Variants in PTPRN2 observed in about 807,000 individuals in gnomAD.
PTPRN2 encodes receptor-type tyrosine-protein phosphatase N2.
A neutral mutation model predicts 118.8 loss-of-function variants in PTPRN2; 74 were observed. The observed-to-expected ratio is 0.62, with a 90% CI of 0.52 to 0.76. The LOEUF (loss-of-function observed/expected upper bound fraction) is 0.76. PTPRN2 is among the 30% of genes least tolerant of loss of function. The pLI is 0.00. For missense variants in PTPRN2, 1,481 were observed against 1,394.4 expected, an observed-to-expected ratio of 1.06 and a Z score of -0.99; for synonymous variants, 641 against 608.0, an observed-to-expected ratio of 1.05 and a Z score of -0.80.
intron 2 of PTPRN2, among the ~76,000 whole-genome samples, chr7:158,334,381 C>T (rs1805150418): frequency 2.2e-5 from 1 of 46,230 alleles, no homozygotes; most frequent in African/African-American, 9.4e-5. Flanking sequence ...GCAGATGTCA[C>T]TCACACCCAC....
chr7:158,071,627 CGTG>C (rs1469815285), intron 11 of PTPRN2, among the ~76,000 whole-genome samples: 4 of 86,608 alleles, frequency 4.6e-5, no homozygotes, highest in Non-Finnish European at 6.8e-5. Context: ...TGGAGGTGCT[CGTG>C]GTGGTGGAGA....
intron 13 of PTPRN2, among the ~76,000 whole-genome samples, 169 bp from the exon 14 acceptor site, chr7:157,656,720 C>T (rs1336486225): frequency 6.6e-6 from 1 of 152,036 alleles, no homozygotes; most frequent in African/African-American, 2.4e-5. Flanking sequence ...GGTCAACGCA[C>T]CCCAAAGCAC....
intron 5 of PTPRN2, among the ~76,000 whole-genome samples, chr7:158,188,205 G>C (rs1345826126): frequency 1.2e-5 from 1 of 83,922 alleles, no homozygotes; most frequent in African/African-American, 3.7e-5. Context: ...AGGCCGCCAC[G>C]CTCGCCGCCT....
At chr7:158,173,948 T>G (rs1823948222) in intron 5 of PTPRN2, among the ~76,000 whole-genome samples, 1 of 152,212 alleles carries the variant, frequency 6.6e-6, no homozygotes, top group South Asian at 2.1e-4. Flanking sequence ...GATTTCATAT[T>G]GTTCAAACAC....
At chr7:157,712,751 CAAAAAA>C (rs755055515) in intron 12 of PTPRN2, among the ~76,000 whole-genome samples, 11 of 89,896 alleles carry the variant, frequency 1.2e-4, no homozygotes, top group East Asian at 4.0e-4. Context: ...AACTCCATCT[CAAAAAA>C]AAAAAAAAAA....
intron 3 of PTPRN2, among the ~76,000 whole-genome samples, chr7:158,288,505 C>G (rs1184281527): frequency 6.6e-6 from 1 of 152,156 alleles, no homozygotes; most frequent in African/African-American, 2.4e-5. Context: ...AAATATCTTA[C>G]AGTTATAGCA....
At position 158,204,978 on chromosome 7, in the gene PTPRN2, G is replaced by A. The variant is rs575788485; in HGVS notation, c.380+193C>T. On this transcript the variant is annotated intron_variant, in intron 4 of 22. Coordinates refer to ENST00000389418, the MANE Select transcript of PTPRN2 (RefSeq NM_002847.5). ...CCCCTGGGCATGTCTCTTACTGGAGGGTCACCCCAATATCGCTTTCTCTCA... is the reference window on the plus strand; with the variant it reads ...CCCCTGGGCATGTCTCTTACTGGAGAGTCACCCCAATATCGCTTTCTCTCA... Among the ~76,000 whole-genome samples the A allele has an allele frequency of 4.3e-4, 65 of 152,208 alleles. 1 individual carries two copies. In the South Asian group the frequency reaches 0.012, roughly 29 times the overall value.
At chr7:158,090,282 A>G (rs1814011900) in intron 10 of PTPRN2, among the ~76,000 whole-genome samples, 2 of 152,210 alleles carry the variant, frequency 1.3e-5, no homozygotes, top group Non-Finnish European at 1.5e-5. Context: ...TCCTATGAAG[A>G]ATATATTAGG....
chr7:158,094,371 G>A (rs1287313928), intron 10 of PTPRN2, among the ~76,000 whole-genome samples: 3 of 152,072 alleles, frequency 2.0e-5, no homozygotes, highest in South Asian at 2.1e-4. Flanking sequence ...GTGCAATGGC[G>A]TGATCTCGGC....
intron 6 of PTPRN2, among the ~76,000 whole-genome samples, chr7:158,155,116 T>A (rs1339882804): frequency 6.6e-6 from 1 of 152,196 alleles, no homozygotes; most frequent in Non-Finnish European, 1.5e-5. Context: ...AACTGGGCTC[T>A]CATAAGGCAA....
In PTPRN2 at chr7:157,785,806, C is replaced by T. The variant is rs999925589; in HGVS notation, c.1789-102869G>A. On this transcript the variant is annotated intron_variant, in intron 12 of 22. Transcript: ENST00000389418. The surrounding 1 kb of genome is among the most constrained non-coding windows in gnomAD (Gnocchi z 7.3). ...CCACGCCCGGCTGGGAGCTGAGACGCGCAGGGGGCCCAGCTGAAGCCTGCG... is the reference window on the plus strand; with the variant it reads ...CCACGCCCGGCTGGGAGCTGAGACGTGCAGGGGGCCCAGCTGAAGCCTGCG... Among the ~76,000 whole-genome samples the T allele has an allele frequency of 1.3e-5, 2 of 152,134 alleles. No homozygotes were observed. Among genetic ancestry groups the T allele is most frequent in the African/African-American group, 2.4e-5 (1 of 41,424 alleles).
intron 2 of PTPRN2, among the ~76,000 whole-genome samples, chr7:158,411,748 A>C (rs2031349425): frequency 6.6e-6 from 1 of 152,204 alleles, no homozygotes; most frequent in Non-Finnish European, 1.5e-5. Flanking sequence ...GCATGGTCTC[A>C]GGGGCCAGGG....
intron 3 of PTPRN2, among the ~76,000 whole-genome samples, chr7:158,262,866 T>TCA (rs760109142): frequency 8.2e-6 from 1 of 122,180 alleles, no homozygotes. Context: ...TCACACACAT[T>TCA]CACACACTGC....
Position 158,568,971 on chromosome 7 carries a change from C to G in PTPRN2, c.112+18587G>C, listed in dbSNP as rs556392181. Among the ~76,000 whole-genome samples the G allele has an allele frequency of 5.9e-4, 90 of 152,120 alleles. 1 individual carries two copies. The highest frequency in any genetic ancestry group is 7.2e-4 in the Non-Finnish European group (49 of 67,984). On this transcript the variant is annotated intron_variant, in intron 1 of 22. Coordinates refer to ENST00000389418, the MANE Select transcript of PTPRN2 (RefSeq NM_002847.5). Reference sequence around the variant, plus strand: ...TGAGACCCCATCTCTACAAAAAATACAAAAATTAAGCAGGTGTGAGGGATT... The same window carrying G: ...TGAGACCCCATCTCTACAAAAAATAGAAAAATTAAGCAGGTGTGAGGGATT...
rs78686938 is a variant in PTPRN2 at position 158,015,163 on chromosome 7, G to A, written c.1723+66135C>T. Reference sequence around the variant, plus strand: ...CTCCAGATACCCAGGGGGTCTAGGCGGTCAGCTGACCTTTCTTCATGAGCA... The same window carrying A: ...CTCCAGATACCCAGGGGGTCTAGGCAGTCAGCTGACCTTTCTTCATGAGCA... On this transcript the variant is annotated intron_variant, in intron 11 of 22. Transcript: ENST00000389418. The surrounding 1 kb of genome is among the most constrained non-coding windows in gnomAD (Gnocchi z 4.2). Among the ~76,000 whole-genome samples the A allele has an allele frequency of 6.2e-3, 943 of 152,236 alleles. 14 individuals carry two copies. Among genetic ancestry groups the A allele is most frequent in the African/African-American group, 0.02 (824 of 41,530 alleles).
chr7:157,765,838 C>T (rs1802430928), intron 12 of PTPRN2, among the ~76,000 whole-genome samples: 1 of 143,840 alleles, frequency 7.0e-6, no homozygotes, highest in Admixed American at 6.9e-5. Flanking sequence ...TTCCTCCATC[C>T]ATCCACTCAT....
chr7:158,335,405 C>T (rs1805366418), intron 2 of PTPRN2, among the ~76,000 whole-genome samples: 3 of 18,154 alleles, frequency 1.7e-4, no homozygotes, highest in African/African-American at 3.8e-4. Context: ...CTGCAGACGT[C>T]ACTCACACCC....
intron 1 of PTPRN2, among the ~76,000 whole-genome samples, chr7:158,493,172 C>T (rs1421769218): frequency 6.6e-6 from 1 of 152,236 alleles, no homozygotes; most frequent in African/African-American, 2.4e-5. Flanking sequence ...TCTGTATTCA[C>T]AGGGTATCCC....
At chr7:157,859,644 C>T (rs1275395741) in intron 12 of PTPRN2, among the ~76,000 whole-genome samples, 1 of 45,038 alleles carries the variant, frequency 2.2e-5, no homozygotes, top group Non-Finnish European at 4.1e-5. Flanking sequence ...AGGGAGAGCC[C>T]CGTCACCACC....
Sources: gnomAD v4.1 joint callset for allele counts (sites outside exome capture counted in the v4.1 genomes callset) on GRCh38, gnomAD v4.1.1 for gene constraint, Gnocchi (gnomAD v3.1) non-coding constraint, MANE v1.5 for transcripts, NCBI Gene and HGNC (gene_info 2026-07-23, HGNC 2026-07-21) for gene names.